NRG3: variants seen among roughly 807,000 people sequenced by gnomAD.
NRG3 encodes neuregulin 3, also known as pro-neuregulin-3, membrane-bound isoform.
NRG3 carries 31 observed loss-of-function variants against 66.9 expected under a neutral mutation model. That is an observed-to-expected ratio of 0.46 (90% confidence interval 0.35 to 0.63). The LOEUF (loss-of-function observed/expected upper bound fraction) is 0.63. Ranked by LOEUF, NRG3 falls within the 20% of genes least tolerant of loss-of-function variation. The pLI, the probability that NRG3 is intolerant of heterozygous loss-of-function variation, is 0.00. For synonymous variants in NRG3, 393 were observed against 359.4 expected (o/e 1.09, Z -1.06); for missense variants, 910 against 878.9 (o/e 1.04, Z -0.45).
intron 2 of NRG3, among the ~76,000 whole-genome samples, chr10:82,685,107 AAGACTATGT>A (rs2054410986): frequency 6.6e-6 from 1 of 151,842 alleles, no homozygotes; most frequent in African/African-American, 2.4e-5. Flanking sequence ...ATGAACAAGC[AAGACTATGT>A]AGATGGCCGA....
At chr10:82,021,725 AT>A (rs1435828166) in intron 1 of NRG3, among the ~76,000 whole-genome samples, 3 of 151,520 alleles carry the variant, frequency 2.0e-5, no homozygotes, top group Non-Finnish European at 2.9e-5. Flanking sequence ...CAGGAAGATA[AT>A]TTTATATCAG....
intron 2 of NRG3, among the ~76,000 whole-genome samples, chr10:82,728,025 A>T (rs1438244134): frequency 2.0e-5 from 3 of 152,136 alleles, no homozygotes; most frequent in Non-Finnish European, 4.4e-5. Flanking sequence ...TCCCATTTGA[A>T]ACAACTGTAT....
At chr10:82,222,084 G>A (rs577241656) in intron 1 of NRG3, among the ~76,000 whole-genome samples, 1 of 151,906 alleles carries the variant, frequency 6.6e-6, no homozygotes, top group East Asian at 1.9e-4. Context: ...GGCCTATAGT[G>A]GAAGGGCCTT....
chr10:82,468,644 G>A (rs1475063832), intron 2 of NRG3, among the ~76,000 whole-genome samples: 1 of 152,212 alleles, frequency 6.6e-6, no homozygotes, highest in Non-Finnish European at 1.5e-5. Context: ...TATGTGAGGA[G>A]GGTGTTGAAT....
At chr10:82,728,137 C>A (rs1193100458) in intron 2 of NRG3, among the ~76,000 whole-genome samples, 1 of 152,088 alleles carries the variant, frequency 6.6e-6, no homozygotes, top group Non-Finnish European at 1.5e-5. Flanking sequence ...TCAGATGAGA[C>A]GTTGGACTGT....
chr10:82,186,041 A>G (rs2073784573), intron 1 of NRG3, among the ~76,000 whole-genome samples: 1 of 152,170 alleles, frequency 6.6e-6, no homozygotes, highest in South Asian at 2.1e-4. Flanking sequence ...CAGAAAGCTT[A>G]TCATTTCATG....
intron 1 of NRG3, among the ~76,000 whole-genome samples, chr10:82,057,749 C>A (rs965172415): frequency 1.3e-5 from 2 of 152,120 alleles, no homozygotes; most frequent in East Asian, 3.9e-4. Context: ...TTCTTCGTAT[C>A]TACTTTAGGC....
chr10:82,605,410 C>G (rs1386591594), intron 2 of NRG3, among the ~76,000 whole-genome samples: 4 of 151,982 alleles, frequency 2.6e-5, no homozygotes, highest in African/African-American at 9.7e-5. Context: ...GAACTAGTCT[C>G]ACATACCAGC....
intron 6 of NRG3, among the ~76,000 whole-genome samples, chr10:82,972,982 T>C (rs1851908916): frequency 6.6e-6 from 1 of 152,226 alleles, no homozygotes; most frequent in Non-Finnish European, 1.5e-5. Context: ...CTCTCTTTTA[T>C]TTTGATTAGC....
intron 4 of NRG3, among the ~76,000 whole-genome samples, chr10:82,897,061 A>G (rs532195827): frequency 2.4e-4 from 37 of 152,322 alleles, no homozygotes; most frequent in Admixed American, 1.3e-3. Context: ...GGAAACTTTT[A>G]TCATCACGAT....
chr10:82,578,148 A>T (rs1194277324), intron 2 of NRG3, among the ~76,000 whole-genome samples: 1 of 151,336 alleles, frequency 6.6e-6, no homozygotes, highest in African/African-American at 2.4e-5. Flanking sequence ...ACGCAAGCAG[A>T]TTTTTTAATA....
intron 1 of NRG3, among the ~76,000 whole-genome samples, chr10:82,090,488 A>G (rs2065962756): frequency 6.6e-6 from 1 of 152,238 alleles, no homozygotes; most frequent in Admixed American, 6.5e-5. Flanking sequence ...GTATGAGGAA[A>G]ACATATATGC....
rs192886946 is a variant in NRG3, at chr10:81,905,277, T to G, written c.823+29114T>G. On this transcript the variant is annotated intron_variant, in intron 1 of 8. Transcript: ENST00000372141. ...CCCCTTGTGGAAAATCACAACCTTCTTCATGTCTTCAGAGTTTTTTGGCAG... is the reference window on the plus strand; with the variant it reads ...CCCCTTGTGGAAAATCACAACCTTCGTCATGTCTTCAGAGTTTTTTGGCAG... Among the ~76,000 whole-genome samples the G allele has an allele frequency of 8.1e-3, 1,228 of 152,294 alleles. 18 individuals are homozygous for G. The highest frequency in any genetic ancestry group is 0.028 in the African/African-American group (1,178 of 41,562).
chr10:82,408,122 AG>A, intron 2 of NRG3, among the ~76,000 whole-genome samples: 1 of 144,296 alleles, frequency 6.9e-6, no homozygotes, highest in East Asian at 2.2e-4. Flanking sequence ...AAAGAAAGAA[AG>A]AAAGAAAGAA....
chr10:82,273,107 T>G (rs2134339834), intron 1 of NRG3, among the ~76,000 whole-genome samples: 1 of 152,242 alleles, frequency 6.6e-6, no homozygotes, highest in African/African-American at 2.4e-5. Flanking sequence ...TTTCCAACTC[T>G]TGTGTTATTT....
Position 81,993,875 on chromosome 10 carries a change from C to A in NRG3, c.823+117712C>A, listed in dbSNP as rs141864887. On this transcript the variant is annotated intron_variant, in intron 1 of 8. Transcript: ENST00000372141. ...AAGCCCATGAAGCTGGGTTTTTGTA[C>A]ATTTGTGCATATAGCAGATTGAACC... Among the ~76,000 whole-genome samples, 1,305 of 152,236 alleles carry A rather than the reference C, an allele frequency of 8.6e-3. 23 individuals carry two copies. The highest frequency in any genetic ancestry group is 0.029 in the African/African-American group (1,225 of 41,538).
intron 2 of NRG3, among the ~76,000 whole-genome samples, chr10:82,549,599 A>G (rs1416048165): frequency 1.3e-5 from 2 of 152,310 alleles, no homozygotes; most frequent in African/African-American, 2.4e-5. Flanking sequence ...AATAGCTATT[A>G]TCACTATCTG....
At chr10:82,005,436 T>C (rs2061342863) in intron 1 of NRG3, among the ~76,000 whole-genome samples, 2 of 152,200 alleles carry the variant, frequency 1.3e-5, no homozygotes, top group African/African-American at 2.4e-5. Flanking sequence ...AGTCTCTCAA[T>C]GAGAAGTGAT....
chr10:82,519,540 T>C (rs1437551031), intron 2 of NRG3, among the ~76,000 whole-genome samples: 1 of 152,162 alleles, frequency 6.6e-6, no homozygotes, highest in Non-Finnish European at 1.5e-5. Flanking sequence ...CTTTCCTTCA[T>C]AGGAACACTC....
Sources: allele counts gnomAD v4.1 joint callset (sites outside exome capture counted in the v4.1 genomes callset), GRCh38; gene constraint gnomAD v4.1.1; transcripts MANE v1.5; gene names NCBI Gene and HGNC (gene_info 2026-07-23, HGNC 2026-07-21).